The following DAAM1 variants were observed in gnomAD, a reference collection of about 807,000 sequenced individuals.
The protein encoded by DAAM1 is disheveled-associated activator of morphogenesis 1.
Under a neutral mutation model 130.0 loss-of-function variants are expected in DAAM1, and 52 were observed. The ratio of observed to expected loss-of-function variants is 0.40; its 90% CI spans 0.32 to 0.50. The LOEUF (loss-of-function observed/expected upper bound fraction) is 0.50. Ranked by LOEUF, DAAM1 falls within the 20% of genes least tolerant of loss-of-function variation. The pLI is 0.61. For synonymous variants in DAAM1, 452 were observed against 444.5 expected (o/e 1.02, Z -0.21); for missense variants, 1,134 against 1,303.8 (o/e 0.87, Z 2.01).
At chr14:59,320,185 TA>T (rs1481597916) in intron 4 of DAAM1, among the ~76,000 whole-genome samples, 2 of 152,204 alleles carry the variant, frequency 1.3e-5, no homozygotes, top group Non-Finnish European at 2.9e-5. Flanking sequence ...TTATTATCTT[TA>T]ATTGCCAGAA....
At chr14:59,357,523 A>G (rs1250905824) in intron 20 of DAAM1, among the ~76,000 whole-genome samples, 1 of 152,198 alleles carries the variant, frequency 6.6e-6, no homozygotes, top group African/African-American at 2.4e-5. Context: ...TCACACCTGT[A>G]ATCCCAGCAC....
At chr14:59,228,216 TTCTC>T (rs1247848778) in intron 1 of DAAM1, among the ~76,000 whole-genome samples, 1 of 152,170 alleles carries the variant, frequency 6.6e-6, no homozygotes, top group Non-Finnish European at 1.5e-5. Flanking sequence ...CATTCTGTCA[TTCTC>T]TATTCATCTT....
chr14:59,315,243 G>T (rs764888893), intron 3 of DAAM1, 37 bp from the exon 4 acceptor site: 68 of 1,594,860 alleles, frequency 4.3e-5, no homozygotes, highest in Non-Finnish European at 5.5e-5. Flanking sequence ...GTGTGTATAT[G>T]TTGGGTGGTA....
At chr14:59,223,632 A>G (rs1034561639) in intron 1 of DAAM1, among the ~76,000 whole-genome samples, 3 of 152,356 alleles carry the variant, frequency 2.0e-5, no homozygotes, top group Admixed American at 6.5e-5. Context: ...TCTGGGCCTC[A>G]TTCAAAACTA....
At chr14:59,238,141 G>A (rs1307735013) in intron 1 of DAAM1, among the ~76,000 whole-genome samples, 3 of 152,062 alleles carry the variant, frequency 2.0e-5, no homozygotes, top group Admixed American at 6.6e-5. Context: ...AAGGGGATCC[G>A]AGGTAAATGT....
At chr14:59,273,240 C>T (rs1029187196) in intron 2 of DAAM1, among the ~76,000 whole-genome samples, 1 of 152,164 alleles carries the variant, frequency 6.6e-6, no homozygotes, top group East Asian at 1.9e-4. Context: ...TATATTGTAT[C>T]TTACCAAGAT....
At chr14:59,363,041 A>G (rs953581276) in intron 22 of DAAM1, 3 of 152,462 alleles carry the variant, frequency 2.0e-5, no homozygotes, top group African/African-American at 7.2e-5. Context: ...GATTTGAATC[A>G]TCTGCGTTCA....
chr14:59,202,486 A>G (rs776547406), intron 1 of DAAM1, among the ~76,000 whole-genome samples: 10 of 152,124 alleles, frequency 6.6e-5, no homozygotes, highest in Non-Finnish European at 1.0e-4. Context: ...CATAAAAGCA[A>G]CACCTTAAAA....
Position 59,313,922 on chromosome 14 carries a change from C to T in DAAM1, c.274-1358C>T, listed in dbSNP as rs79052163. On this transcript the variant is annotated intron_variant, in intron 3 of 24. Transcript: ENST00000360909. ...CCCATCATCTGGCTTCTTCAATCTC[C>T]AGATGAAATTCACACAACTGCCTGA... is the stretch of plus-strand genomic sequence containing the variant. 8.1e-3 allele frequency among the ~76,000 whole-genome samples: 1,238 copies of T among 152,358 alleles called. 93 individuals are homozygous for T. In the East Asian group the frequency reaches 0.18, roughly 22 times the overall value.
intron 19 of DAAM1, 21 bp downstream of exon 19, chr14:59,353,985 T>C (rs1886379942): frequency 3.7e-6 from 6 of 1,608,782 alleles, no homozygotes; most frequent in South Asian, 1.1e-5. Context: ...GCTGTCTAGA[T>C]TGGAAATGAT....
At chr14:59,367,155 G>T (rs974577691) in intron 23 of DAAM1, among the ~76,000 whole-genome samples, 1 of 152,072 alleles carries the variant, frequency 6.6e-6, no homozygotes, top group Admixed American at 6.5e-5. Context: ...AGGCATGGTG[G>T]TTTGTGCCTG....
chr14:59,279,245 C>A (rs189476767), intron 2 of DAAM1, among the ~76,000 whole-genome samples: 1 of 152,096 alleles, frequency 6.6e-6, no homozygotes, highest in African/African-American at 2.4e-5. Flanking sequence ...GACAATCATC[C>A]GCTTTCTGGC....
chr14:59,277,076 A>G (rs1299983784), intron 2 of DAAM1, among the ~76,000 whole-genome samples: 1 of 152,208 alleles, frequency 6.6e-6, no homozygotes, highest in Non-Finnish European at 1.5e-5. Flanking sequence ...GATTAGGTAG[A>G]TTTTCAAATA....
At chr14:59,206,647 G>T (rs1363464311) in intron 1 of DAAM1, among the ~76,000 whole-genome samples, 4 of 152,332 alleles carry the variant, frequency 2.6e-5, no homozygotes, top group Admixed American at 1.3e-4. Flanking sequence ...TTGGAAAAAA[G>T]ATTAGAGTTT....
At chr14:59,323,949 G>A (rs1056262932) in intron 6 of DAAM1, among the ~76,000 whole-genome samples, 179 bp from the exon 7 acceptor site, 3 of 151,944 alleles carry the variant, frequency 2.0e-5, no homozygotes, top group Admixed American at 6.6e-5. Flanking sequence ...AGAGAATGGC[G>A]TGAACCCGGG....
At chr14:59,199,819 A>T (rs1888041936) in intron 1 of DAAM1, among the ~76,000 whole-genome samples, 1 of 152,178 alleles carries the variant, frequency 6.6e-6, no homozygotes, top group Non-Finnish European at 1.5e-5. Flanking sequence ...GTTTAACAGC[A>T]TCCCTGGCCT....
chr14:59,268,067 T>A, intron 2 of DAAM1, among the ~76,000 whole-genome samples: 1 of 152,092 alleles, frequency 6.6e-6, no homozygotes, highest in East Asian at 1.9e-4. Context: ...TGCGCCCAGC[T>A]ATTTTTGTAT....
chr14:59,235,609 T>C (rs949733713), intron 1 of DAAM1, among the ~76,000 whole-genome samples: 1 of 152,184 alleles, frequency 6.6e-6, no homozygotes, highest in Non-Finnish European at 1.5e-5. Context: ...TCATTGATTT[T>C]TTTGAAGGGT....
intron 23 of DAAM1, among the ~76,000 whole-genome samples, chr14:59,366,639 T>C (rs1264964672): frequency 6.6e-6 from 1 of 152,146 alleles, no homozygotes; most frequent in Non-Finnish European, 1.5e-5. Context: ...TCAAATGAGG[T>C]AGACAGGAAT....
Sources: gnomAD v4.1 joint callset for allele counts (sites outside exome capture counted in the v4.1 genomes callset) on GRCh38, gnomAD v4.1.1 for gene constraint, MANE v1.5 for transcripts, NCBI Gene and HGNC (gene_info 2026-07-23, HGNC 2026-07-21) for gene names.